The following OPRM1 variants were observed in gnomAD, a reference collection of about 807,000 sequenced individuals.
The protein encoded by OPRM1 is opioid receptor mu 1.
A neutral mutation model predicts 31.8 loss-of-function variants in OPRM1; 27 were observed. That is an observed-to-expected ratio of 0.85 (90% CI 0.63 to 1.17). The LOEUF (loss-of-function observed/expected upper bound fraction) is 1.17, where lower values mean the gene tolerates loss of function less well. Ranked by LOEUF, OPRM1 falls within the 50% of genes most tolerant of loss-of-function variation. The pLI is 0.00. For missense variants in OPRM1, 536 were observed against 511.1 expected, an observed-to-expected ratio of 1.05 and a Z score of -0.47; for synonymous variants, 196 against 189.9, an observed-to-expected ratio of 1.03 and a Z score of -0.26.
In OPRM1 at chr6:154,118,604, C is replaced by T. The variant is rs17174949; in HGVS notation, c.1165-79C>T. On this transcript the variant is annotated intron_variant, in intron 3 of 3. Transcript: ENST00000330432. Reference sequence around the variant, plus strand: ...ATGAAGGTCTTCAATGCAGTTCTTACGAGCAGAAGATGCTCAACAAATGTG... The same window carrying T: ...ATGAAGGTCTTCAATGCAGTTCTTATGAGCAGAAGATGCTCAACAAATGTG... 2,422 of 1,390,346 alleles carry T rather than the reference C, an allele frequency of 1.7e-3. 2 individuals carry two copies. Among genetic ancestry groups the T allele is most frequent in the Admixed American group, 2.4e-3 (138 of 57,654 alleles). The allele number at this position is 1,390,346 out of a possible 1,614,324, so 86.1% of individuals were successfully genotyped here.
chr6:154,208,503 T>G (rs987675450), intron 3 of OPRM1, among the ~76,000 whole-genome samples: 3 of 152,338 alleles, frequency 2.0e-5, no homozygotes, highest in Admixed American at 2.0e-4. Flanking sequence ...ATTATGTGGA[T>G]TTTTTATTAA....
intron 1 of OPRM1, among the ~76,000 whole-genome samples, chr6:154,055,880 C>A (rs1479985998): frequency 6.6e-6 from 1 of 152,142 alleles, no homozygotes; most frequent in Non-Finnish European, 1.5e-5. Context: ...GAATCTCAAG[C>A]AGGATCTAAG....
chr6:154,033,727 G>A (rs895404389), intron 1 of OPRM1, among the ~76,000 whole-genome samples: 1 of 152,208 alleles, frequency 6.6e-6, no homozygotes, highest in Non-Finnish European at 1.5e-5. Context: ...ACAAAAGAAA[G>A]AAGCTGAGAC....
intron 3 of OPRM1, among the ~76,000 whole-genome samples, chr6:154,160,373 A>G (rs953794608): frequency 1.3e-5 from 2 of 152,210 alleles, no homozygotes; most frequent in African/African-American, 4.8e-5. Flanking sequence ...CCTAAAACTT[A>G]CCATTGTAGG....
At chr6:154,075,773 C>T (rs192971580) in intron 1 of OPRM1, among the ~76,000 whole-genome samples, 2 of 152,318 alleles carry the variant, frequency 1.3e-5, no homozygotes, top group African/African-American at 4.8e-5. Flanking sequence ...AACCCCACCT[C>T]TGAGAGACTT....
chr6:154,128,131 A>C lies in OPRM1; in HGVS notation c.*9410A>C, dbSNP rs1157353899. 6.6e-6 allele frequency among the ~76,000 whole-genome samples: 1 copy of C among 152,242 alleles called. No individual in the cohort carries two copies. Among genetic ancestry groups the C allele is most frequent in the African/African-American group, 2.4e-5 (1 of 41,460 alleles). ...AAATAGTAATCTGGCAAGTGTTCTC[A>C]GGATCCCCTTGCTACCTGTAATTCA... On this transcript the variant is annotated 3_prime_UTR_variant, in exon 4 of 4. Coordinates refer to ENST00000330432, the MANE Select transcript of OPRM1 (RefSeq NM_000914.5).
intron 3 of OPRM1, among the ~76,000 whole-genome samples, chr6:154,111,373 C>T (rs1796345633): frequency 6.6e-6 from 1 of 152,116 alleles, no homozygotes; most frequent in Non-Finnish European, 1.5e-5. Flanking sequence ...GTACCCAAGC[C>T]TGTTATTGCC....
chr6:154,158,175 A>G (rs1411072938), intron 3 of OPRM1: 2 of 152,340 alleles, frequency 1.3e-5, no homozygotes, highest in African/African-American at 4.8e-5. Flanking sequence ...TTGTTTGCAG[A>G]TATAATTCAG....
At chr6:154,142,365 G>A (rs564217598) in intron 3 of OPRM1, among the ~76,000 whole-genome samples, 11 of 64,892 alleles carry the variant, frequency 1.7e-4, no homozygotes, top group East Asian at 3.7e-4. Context: ...GACTGGGCTC[G>A]ACCATGCACA....
chr6:154,212,619 A>G (rs1778056176), intron 3 of OPRM1: 1 of 610,656 alleles, frequency 1.6e-6, no homozygotes, highest in African/African-American at 1.8e-5. Flanking sequence ...GCTCAAAATC[A>G]GCACCCTGAA....
chr6:154,212,717 T>C, intron 3 of OPRM1: 3 of 1,187,368 alleles, frequency 2.5e-6, no homozygotes, highest in South Asian at 2.5e-5. Context: ...TTGGAAGAAA[T>C]GACATCCACA....
chr6:154,237,742 C>A (rs1478367955), intron 3 of OPRM1, among the ~76,000 whole-genome samples: 1 of 152,084 alleles, frequency 6.6e-6, no homozygotes, highest in African/African-American at 2.4e-5. Context: ...CTGCCGAAAT[C>A]CACCTTACTG....
intron 3 of OPRM1, among the ~76,000 whole-genome samples, chr6:154,169,831 C>T (rs1799732741): frequency 6.6e-6 from 1 of 152,190 alleles, no homozygotes; most frequent in African/African-American, 2.4e-5. Flanking sequence ...TCTGGTCAGG[C>T]CATTTGGGGC....
intron 3 of OPRM1, among the ~76,000 whole-genome samples, chr6:154,192,922 T>C (rs993198227): frequency 6.6e-6 from 1 of 152,196 alleles, no homozygotes; most frequent in Admixed American, 6.5e-5. Flanking sequence ...CTGGTGGGAA[T>C]GTAAACTAGG....
chr6:154,141,173 C>T (rs1460094155), intron 3 of OPRM1, among the ~76,000 whole-genome samples: 1 of 152,140 alleles, frequency 6.6e-6, no homozygotes, highest in Non-Finnish European at 1.5e-5. Context: ...TAAAACCTAC[C>T]TCACATAAAA....
intron 3 of OPRM1, among the ~76,000 whole-genome samples, chr6:154,098,080 T>G (rs1793717515): frequency 6.6e-6 from 1 of 152,052 alleles, no homozygotes; most frequent in South Asian, 2.1e-4. Context: ...ATTTATAAAA[T>G]TTTAAAAATT....
intron 3 of OPRM1, among the ~76,000 whole-genome samples, chr6:154,243,766 AT>A (rs1780793800): frequency 6.6e-6 from 1 of 152,172 alleles, no homozygotes; most frequent in South Asian, 2.1e-4. Context: ...AGGGACCTGA[AT>A]GTGAATCTGT....
chr6:154,181,809 T>C (rs969742853), intron 3 of OPRM1, among the ~76,000 whole-genome samples: 2 of 152,300 alleles, frequency 1.3e-5, no homozygotes, highest in South Asian at 2.1e-4. Flanking sequence ...GATTACCTTC[T>C]TGGGGACTTG....
In OPRM1 at chr6:154,130,760, A is replaced by T. The variant is rs1427250112; in HGVS notation, c.*12039A>T. Among the ~76,000 whole-genome samples, 1 of 152,018 alleles carries T rather than the reference A, an allele frequency of 6.6e-6. No individual in the cohort carries two copies. The highest frequency in any genetic ancestry group is 1.5e-5 in the Non-Finnish European group (1 of 67,992). ...TAGAATATATAAAGGGAATATATAT[A>T]TACCAATATAAATGGGAATTTATAT... On this transcript the variant is annotated 3_prime_UTR_variant, in exon 4 of 4. Transcript: ENST00000330432.
Sources: gnomAD v4.1 joint callset for allele counts (sites outside exome capture counted in the v4.1 genomes callset) on GRCh38, gnomAD v4.1.1 for gene constraint, MANE v1.5 for transcripts, NCBI Gene and HGNC (gene_info 2026-07-23, HGNC 2026-07-21) for gene names.